Variants in TCEA3 observed in about 807,000 individuals in gnomAD.
The protein encoded by TCEA3 is transcription elongation factor A protein 3.
TCEA3 carries 36 observed loss-of-function variants against 44.0 expected under a neutral mutation model. That is an observed-to-expected ratio of 0.82 (90% CI 0.63 to 1.08). The LOEUF (loss-of-function observed/expected upper bound fraction) is 1.08. TCEA3 is among the 50% of genes least tolerant of loss of function. The pLI, the probability that TCEA3 is intolerant of heterozygous loss-of-function variation, is 0.00. For synonymous variants in TCEA3, 162 were observed against 159.7 expected, an observed-to-expected ratio of 1.01 and a Z score of -0.11; for missense variants, 392 against 441.2, an observed-to-expected ratio of 0.89 and a Z score of 1.00.
intron 1 of TCEA3, among the ~76,000 whole-genome samples, chr1:23,423,608 C>G (rs1011228125): frequency 6.6e-6 from 1 of 152,194 alleles, no homozygotes; most frequent in Non-Finnish European, 1.5e-5. Flanking sequence ...CACATGGCTA[C>G]GGATGGTGGG....
chr1:23,390,347 G>A (rs1304567261), intron 8 of TCEA3, among the ~76,000 whole-genome samples: 1 of 152,164 alleles, frequency 6.6e-6, no homozygotes, highest in African/African-American at 2.4e-5. Context: ...CATGGTTACA[G>A]GTGCATGCCT....
chr1:23,393,215 C>A (rs540911909), intron 8 of TCEA3, among the ~76,000 whole-genome samples: 1 of 152,114 alleles, frequency 6.6e-6, no homozygotes, highest in Admixed American at 6.6e-5. Context: ...GGCAGTAATG[C>A]GAGTGATGGG....
In TCEA3 at chr1:23,383,723, G is replaced by A. The variant is rs952841283; in HGVS notation, c.1038+623C>T. On this transcript the variant is annotated intron_variant, in intron 10 of 10. Coordinates refer to ENST00000450454, the MANE Select transcript of TCEA3 (RefSeq NM_003196.3). ...GCAGTTGGAAACTGACAATAGGCAC[G>A]TGACCACACTCTGTTCCTTCAGGAG... The A allele has an allele frequency of 1.5e-5, 15 of 985,394 alleles. No individual in the cohort carries two copies. The East Asian group carries it at 6.8e-4, about 45-fold the overall frequency. The allele number at this position is 985,394 out of a possible 1,614,324, so 61.0% of individuals were successfully genotyped here. A position where few individuals can be genotyped will look rare whatever the true frequency, so the allele number is the denominator to read the frequency against.
chr1:23,381,210 C>T lies in TCEA3; in HGVS notation c.*256G>A, dbSNP rs1489802084. 5.8e-6 allele frequency: 3 copies of T among 514,614 alleles called. No individual in the cohort carries two copies. The highest frequency in any genetic ancestry group is 5.8e-5 in the African/African-American group (3 of 51,512). The allele number at this position is 514,614 out of a possible 1,614,324, so 31.9% of individuals were successfully genotyped here. A position where few individuals can be genotyped will look rare whatever the true frequency, so the allele number is the denominator to read the frequency against. On this transcript the variant is annotated 3_prime_UTR_variant, in exon 11 of 11. Coordinates refer to ENST00000450454, the MANE Select transcript of TCEA3 (RefSeq NM_003196.3). The stretch of plus-strand genomic sequence containing the variant: ...GATTACAGCCATAAACCACCGTGCC[C>T]AGCCCTCTGCAGTTTCTAAAAGAGG...
intron 8 of TCEA3, among the ~76,000 whole-genome samples, chr1:23,392,877 T>C (rs1639104241): frequency 6.6e-6 from 1 of 152,196 alleles, no homozygotes; most frequent in Non-Finnish European, 1.5e-5. Context: ...AGTTTTTCCA[T>C]GGACAGGGTG....
At chr1:23,415,561 A>G (rs542861980) in intron 4 of TCEA3, among the ~76,000 whole-genome samples, 108 of 152,296 alleles carry the variant, frequency 7.1e-4, no homozygotes, top group African/African-American at 2.6e-3. Context: ...GGTGCTCCAG[A>G]CATGGCCAGA....
At chr1:23,385,893 T>C (rs1638821221) in intron 9 of TCEA3, among the ~76,000 whole-genome samples, 1 of 150,506 alleles carries the variant, frequency 6.6e-6, no homozygotes, top group African/African-American at 2.4e-5. Context: ...ACCTCTGACA[T>C]TGGCCTCCTT....
chr1:23,387,825 G>A (rs1207779432), intron 8 of TCEA3, among the ~76,000 whole-genome samples: 1 of 152,132 alleles, frequency 6.6e-6, no homozygotes, highest in Non-Finnish European at 1.5e-5. Context: ...ACTTGACCCA[G>A]TGCTCTTTTA....
chr1:23,383,514 C>CATT, intron 10 of TCEA3: 1 of 928,354 alleles, frequency 1.1e-6, no homozygotes, highest in Non-Finnish European at 1.3e-6. Flanking sequence ...GGGAGAAAGG[C>CATT]ATTATTATTA....
chr1:23,400,151 A>G (rs1361254753), intron 5 of TCEA3, among the ~76,000 whole-genome samples: 1 of 152,230 alleles, frequency 6.6e-6, no homozygotes, highest in Non-Finnish European at 1.5e-5. Context: ...ATGGTAAAAC[A>G]AAAGCCACCA....
intron 1 of TCEA3, 132 bp from the exon 2 acceptor site, chr1:23,419,271 G>A (rs938042754): frequency 3.4e-6 from 2 of 596,854 alleles, no homozygotes; most frequent in Non-Finnish European, 5.7e-6. Flanking sequence ...AGGGGCAGAA[G>A]GAAGGAGAGA....
chr1:23,389,269 C>A (rs956160829), intron 8 of TCEA3, among the ~76,000 whole-genome samples: 1 of 152,086 alleles, frequency 6.6e-6, no homozygotes, highest in East Asian at 1.9e-4. Context: ...AGGTGGATCA[C>A]CTGAGGTCAG....
At position 23,397,026 on chromosome 1, in the gene TCEA3, A is replaced by G. The variant is rs1026053530; in HGVS notation, c.664+519T>C. On this transcript the variant is annotated intron_variant, in intron 7 of 10. Coordinates refer to ENST00000450454, the MANE Select transcript of TCEA3 (RefSeq NM_003196.3). ...GTCTCAAAAAAAAAAAAAAAAAAAA[A>G]AGGGCGCTGTTAACATCAGAGGATG... Among the ~76,000 whole-genome samples the G allele has an allele frequency of 6.6e-3, 982 of 148,262 alleles. 5 individuals carry two copies. Among genetic ancestry groups the G allele is most frequent in the Non-Finnish European group, 0.011 (770 of 67,362 alleles).
intron 5 of TCEA3, among the ~76,000 whole-genome samples, chr1:23,407,946 T>C (rs1454300184): frequency 6.6e-6 from 1 of 152,076 alleles, no homozygotes; most frequent in African/African-American, 2.4e-5. Context: ...TTCTTTTCTT[T>C]TCTTTTTTGT....
Position 23,394,050 on chromosome 1 carries a change from C to G in TCEA3, c.665-17G>C. 6.2e-7 allele frequency: 1 copy of G among 1,613,428 alleles called. No individual in the cohort carries two copies. The highest frequency in any genetic ancestry group is 8.5e-7 in the Non-Finnish European group (1 of 1,179,546). The stretch of plus-strand genomic sequence containing the variant: ...GGTAGATATGTGACACAGTCAAGGG[C>G]CGGCCAGCCATTCATGGAGGGGCAC... On this transcript the variant is annotated splice_polypyrimidine_tract_variant and intron_variant, in intron 7 of 10. Transcript: ENST00000450454.
intron 2 of TCEA3, chr1:23,418,294 C>T: frequency 2.5e-6 from 1 of 393,868 alleles, no homozygotes; most frequent in Non-Finnish European, 4.7e-6. Flanking sequence ...CTGTCAGGAC[C>T]CCTCCCATTC....
At chr1:23,410,465 C>T (rs1367367612) in intron 4 of TCEA3, among the ~76,000 whole-genome samples, 1 of 152,040 alleles carries the variant, frequency 6.6e-6, no homozygotes. Flanking sequence ...TTAGTCGATA[C>T]TAGAGCTAGA....
intron 1 of TCEA3, among the ~76,000 whole-genome samples, chr1:23,422,398 T>C (rs1241561257): frequency 6.6e-6 from 1 of 152,348 alleles, no homozygotes; most frequent in African/African-American, 2.4e-5. Flanking sequence ...AGGCACTTGG[T>C]TGCATGTTTG....
At chr1:23,382,193 T>C (rs956840397) in intron 10 of TCEA3, among the ~76,000 whole-genome samples, 1 of 152,022 alleles carries the variant, frequency 6.6e-6, no homozygotes, top group Admixed American at 6.6e-5. Flanking sequence ...ATTACAGGCA[T>C]GTGTCACCAC....
Sources: allele counts gnomAD v4.1 joint callset (sites outside exome capture counted in the v4.1 genomes callset), GRCh38; gene constraint gnomAD v4.1.1; transcripts MANE v1.5; gene names NCBI Gene and HGNC (gene_info 2026-07-23, HGNC 2026-07-21).